Variants in DDX31 observed in about 807,000 individuals in gnomAD.
DDX31 encodes ATP-dependent DNA helicase DDX31.
A neutral mutation model predicts 91.3 loss-of-function variants in DDX31; 70 were observed. The observed-to-expected ratio is 0.77, with a 90% CI of 0.63 to 0.94. The LOEUF (loss-of-function observed/expected upper bound fraction) is 0.94. DDX31 is among the 40% of genes least tolerant of loss of function. The pLI is 0.00. For synonymous variants in DDX31, 362 were observed against 350.6 expected (o/e 1.03, Z -0.36); for missense variants, 902 against 925.0 (o/e 0.98, Z 0.32).
Position 132,625,674 on chromosome 9 carries a change from C to A in DDX31, c.1703G>T (p.Trp568Leu). Residue 568 changes from tryptophan (W) to leucine (L), a missense_variant, in exon 17 of 20, where the codon TGG becomes TTG. Transcript: ENST00000372159. ...AATAACAAAACTCACCTGGGCTCCC[C>A]ATCGTTTCCCTTTAAAACAATCATC... ...TRDDCFKGKR[W>L]GAQKSHAVGP... The A allele has an allele frequency of 1.9e-6, 3 of 1,613,832 alleles. No individual in the cohort carries two copies. The highest frequency in any genetic ancestry group is 2.5e-6 in the Non-Finnish European group (3 of 1,179,848).
chr9:132,651,150 A>C, intron 7 of DDX31, 34 bp from the exon 8 acceptor site: 2 of 1,538,580 alleles, frequency 1.3e-6, no homozygotes, highest in South Asian at 1.2e-5. Flanking sequence ...GATGATGAAC[A>C]GGATCCCCCT....
intron 19 of DDX31, among the ~76,000 whole-genome samples, chr9:132,608,888 G>A (rs1358711650): frequency 6.6e-6 from 1 of 152,126 alleles, no homozygotes; most frequent in Non-Finnish European, 1.5e-5. Flanking sequence ...TGACTGAGGT[G>A]TGGAAAATCT....
At chr9:132,613,938 C>T (rs779788711) in intron 18 of DDX31, among the ~76,000 whole-genome samples, 12 of 152,212 alleles carry the variant, frequency 7.9e-5, no homozygotes, top group African/African-American at 1.4e-4. Flanking sequence ...CCCGCCATCC[C>T]TGTCACTGCT....
At chr9:132,654,932 C>CGA (rs1834459129) in intron 6 of DDX31, among the ~76,000 whole-genome samples, 1 of 126,276 alleles carries the variant, frequency 7.9e-6, no homozygotes, top group Non-Finnish European at 1.6e-5. Flanking sequence ...GGCAACAGAG[C>CGA]GAGACTCTGT....
At chr9:132,638,497 C>T (rs762809852) in intron 14 of DDX31, 161 of 1,249,774 alleles carry the variant, frequency 1.3e-4, no homozygotes, top group Non-Finnish European at 1.8e-4. Flanking sequence ...CTACTTCCTA[C>T]TTAACTTGGC....
At chr9:132,636,418 C>T (rs920647206) in intron 14 of DDX31, among the ~76,000 whole-genome samples, 4 of 152,214 alleles carry the variant, frequency 2.6e-5, no homozygotes, top group African/African-American at 9.7e-5. Context: ...GGGAGATCCA[C>T]GTAGGCACGG....
chr9:132,669,071 T>C (rs1835521816), intron 1 of DDX31, among the ~76,000 whole-genome samples: 1 of 152,122 alleles, frequency 6.6e-6, no homozygotes, highest in Admixed American at 6.5e-5. Flanking sequence ...GATAAAAGAT[T>C]GTGGAGACCA....
chr9:132,618,361 G>A lies in DDX31; in HGVS notation c.1794C>T (p.Ser598=), dbSNP rs755297670. 1.2e-5 allele frequency: 20 copies of A among 1,611,570 alleles called. No individual in the cohort carries two copies. Among genetic ancestry groups the A allele is most frequent in the African/African-American group, 1.1e-4 (8 of 74,886 alleles). ...LQTVFEDYVH[S]SERRVSWAKK... ...TTGCCCAGGAGACCCTCCTCTCACT[G>A]GAGTGCACGTAATCTTCAAATACCG... Residue 598 remains serine (S), a synonymous_variant, in exon 18 of 20, where the codon TCC becomes TCT. Transcript: ENST00000372159.
At chr9:132,664,144 G>T (rs1216296714) in intron 1 of DDX31, among the ~76,000 whole-genome samples, 1 of 152,202 alleles carries the variant, frequency 6.6e-6, no homozygotes, top group Non-Finnish European at 1.5e-5. Context: ...ATTTATGCAA[G>T]ATCTGCATCC....
rs1834147062 is a variant in DDX31, at chr9:132,650,965, C to A, written c.675+110G>T. The A allele has an allele frequency of 4.3e-6, 5 of 1,153,666 alleles. No individual in the cohort carries two copies. In the South Asian group the frequency reaches 4.4e-5, roughly 10 times the overall value. The allele number at this position is 1,153,666 out of a possible 1,614,324, so 71.5% of individuals were successfully genotyped here. On this transcript the variant is annotated intron_variant, in intron 8 of 19. Coordinates refer to ENST00000372159, the MANE Select transcript of DDX31 (RefSeq NM_022779.9). Reference sequence around the variant, plus strand: ...CCTAGAGAGAGCAGAGATATCCAGGCAAAAGGAAATAATTCTTATCTCTTT... The same window carrying A: ...CCTAGAGAGAGCAGAGATATCCAGGAAAAAGGAAATAATTCTTATCTCTTT...
At chr9:132,608,491 G>A (rs1256739352) in intron 19 of DDX31, among the ~76,000 whole-genome samples, 4 of 152,064 alleles carry the variant, frequency 2.6e-5, no homozygotes, top group African/African-American at 4.8e-5. Flanking sequence ...TGGACCAGCC[G>A]AACAGCCTCC....
At chr9:132,638,142 T>A in intron 14 of DDX31, 1 of 1,386,356 alleles carries the variant, frequency 7.2e-7, no homozygotes, top group Non-Finnish European at 9.3e-7. Context: ...CAGGGCGGGC[T>A]GCAGGTATCT....
intron 19 of DDX31, among the ~76,000 whole-genome samples, chr9:132,605,354 A>G (rs1372954005): frequency 6.6e-6 from 1 of 152,222 alleles, no homozygotes; most frequent in Non-Finnish European, 1.5e-5. Flanking sequence ...TCTGAGCACC[A>G]GCATGATGCA....
At chr9:132,635,585 G>T (rs1299666784) in intron 14 of DDX31, among the ~76,000 whole-genome samples, 1 of 149,912 alleles carries the variant, frequency 6.7e-6, no homozygotes, top group East Asian at 2.0e-4. Flanking sequence ...TTACAGGTGT[G>T]AGCCACCGTG....
intron 19 of DDX31, among the ~76,000 whole-genome samples, chr9:132,608,446 C>T (rs1011396799): frequency 6.6e-6 from 1 of 152,104 alleles, no homozygotes; most frequent in African/African-American, 2.4e-5. Context: ...GGACTAAAGG[C>T]AATGTAAGAG....
intron 19 of DDX31, among the ~76,000 whole-genome samples, chr9:132,601,644 C>T (rs141494135): frequency 1.3e-5 from 2 of 152,314 alleles, no homozygotes; most frequent in East Asian, 1.9e-4. Context: ...GATACTTTCA[C>T]GAACCAGACT....
chr9:132,593,747 G>A lies in DDX31; in HGVS notation c.*1119C>T, dbSNP rs905061471. 10 of 129,218 alleles carry A rather than the reference G, an allele frequency of 7.7e-5. No homozygotes were observed. The highest frequency in any genetic ancestry group is 1.5e-4 in the Non-Finnish European group (9 of 60,524). The allele number at this position is 129,218 out of a possible 1,614,324, so 8.0% of individuals were successfully genotyped here. A position where few individuals can be genotyped will look rare whatever the true frequency, so the allele number is the denominator to read the frequency against. On this transcript the variant is annotated 3_prime_UTR_variant, in exon 20 of 20. Transcript: ENST00000372159. Reference sequence around the variant, plus strand: ...CTCACCACCCTCTCGTGGCCACTCAGACCTTCCAAGGATCTGGGGGGATCT... The same window carrying A: ...CTCACCACCCTCTCGTGGCCACTCAAACCTTCCAAGGATCTGGGGGGATCT...
chr9:132,625,273 G>C (rs1472667134), intron 17 of DDX31, among the ~76,000 whole-genome samples: 1 of 152,174 alleles, frequency 6.6e-6, no homozygotes, highest in Non-Finnish European at 1.5e-5. Flanking sequence ...AGGAGACACA[G>C]AGATACTTAT....
At chr9:132,603,446 A>G (rs182518818) in intron 19 of DDX31, among the ~76,000 whole-genome samples, 1 of 152,334 alleles carries the variant, frequency 6.6e-6, no homozygotes, top group Admixed American at 6.5e-5. Flanking sequence ...CAACTTAATG[A>G]AAGTAGAGTT....
Sources: gnomAD v4.1 joint callset for allele counts (sites outside exome capture counted in the v4.1 genomes callset) on GRCh38, gnomAD v4.1.1 for gene constraint, MANE v1.5 for transcripts, NCBI Gene and HGNC (gene_info 2026-07-23, HGNC 2026-07-21) for gene names.